Variants in SPATA33 observed in about 807,000 individuals in gnomAD.
SPATA33 encodes the protein spermatogenesis-associated protein 33.
Under a neutral mutation model 8.9 loss-of-function variants are expected in SPATA33, and 10 were observed. The ratio of observed to expected loss-of-function variants is 1.12; its 90% CI spans 0.69 to 1.90. SPATA33 has a LOEUF of 1.90. Ranked by LOEUF, SPATA33 falls within the 40% of genes most tolerant of loss-of-function variation. The probability of loss-of-function intolerance (pLI) is 0.00; values close to 1 mark genes in which losing one functional copy is unlikely to be tolerated. For synonymous variants in SPATA33, 96 were observed against 72.8 expected, an observed-to-expected ratio of 1.32 and a Z score of -1.63; for missense variants, 241 against 178.3, an observed-to-expected ratio of 1.35 and a Z score of -2.00.
chr16:89,666,089 A>G (rs1305216899), intron 2 of SPATA33, among the ~76,000 whole-genome samples: 1 of 152,142 alleles, frequency 6.6e-6, no homozygotes, highest in African/African-American at 2.4e-5. Flanking sequence ...CTCAAAATAA[A>G]TAAATGAATA....
At chr16:89,663,242 T>C (rs1348340784) in intron 2 of SPATA33, among the ~76,000 whole-genome samples, 4 of 81,240 alleles carry the variant, frequency 4.9e-5, no homozygotes, top group South Asian at 5.2e-4. Context: ...ATTCCATTTC[T>C]TTTTTTTTTT....
At chr16:89,667,029 C>G (rs752651807) in intron 2 of SPATA33, among the ~76,000 whole-genome samples, 9 of 152,204 alleles carry the variant, frequency 5.9e-5, no homozygotes, top group Admixed American at 6.5e-5. Context: ...GCAAGCCTGA[C>G]TGATGTCAGG....
chr16:89,664,985 C>A (rs2060006803), intron 2 of SPATA33, among the ~76,000 whole-genome samples: 1 of 152,166 alleles, frequency 6.6e-6, no homozygotes, highest in Non-Finnish European at 1.5e-5. Flanking sequence ...TACCAAGAAC[C>A]TTGAGAAGAG....
intron 2 of SPATA33, among the ~76,000 whole-genome samples, chr16:89,661,833 C>T (rs1597803092): frequency 6.6e-6 from 1 of 152,050 alleles, no homozygotes; most frequent in East Asian, 1.9e-4. Context: ...TTTCTCAGAC[C>T]TGGGCTCCGT....
At chr16:89,658,949 A>G (rs2059926084) in intron 2 of SPATA33, 1 of 154,596 alleles carries the variant, frequency 6.5e-6, no homozygotes, top group Admixed American at 6.3e-5. Flanking sequence ...GGAAGAAGCT[A>G]GAATACAAAG....
intron 2 of SPATA33, among the ~76,000 whole-genome samples, chr16:89,664,163 C>T (rs2059995620): frequency 6.6e-6 from 1 of 152,190 alleles, no homozygotes; most frequent in South Asian, 2.1e-4. Context: ...AAGAATTTGA[C>T]TGCGTTAAAA....
At position 89,658,363 on chromosome 16, in the gene SPATA33, C is replaced by G; in HGVS notation, c.153C>G (p.Asp51Glu). 8 of 1,613,544 alleles carry G rather than the reference C, an allele frequency of 5.0e-6. No homozygotes were observed. The highest frequency in any genetic ancestry group is 5.9e-6 in the Non-Finnish European group (7 of 1,179,996). The part of the protein sequence containing the change: ...QADRESEKPV[D>E]SLHPGAGTAK... ...ACAGGGAGTCGGAGAAGCCTGTGGACAGCCTCCACCCGGGGGCCGGGACAG... is the reference window on the plus strand; with the variant it reads ...ACAGGGAGTCGGAGAAGCCTGTGGAGAGCCTCCACCCGGGGGCCGGGACAG... Residue 51 changes from aspartate (D) to glutamate (E), a missense_variant, in exon 2 of 3, where the codon GAC becomes GAG. Transcript: ENST00000579310.
At chr16:89,662,674 G>A (rs977543394) in intron 2 of SPATA33, among the ~76,000 whole-genome samples, 14 of 152,134 alleles carry the variant, frequency 9.2e-5, no homozygotes, top group East Asian at 7.7e-4. Context: ...TGATCCACCC[G>A]CCTCGGCCTC....
chr16:89,664,448 C>G (rs1173512791), intron 2 of SPATA33, among the ~76,000 whole-genome samples: 1 of 152,190 alleles, frequency 6.6e-6, no homozygotes, highest in African/African-American at 2.4e-5. Context: ...GTGTGTCTCT[C>G]CTGCGATTAG....
At chr16:89,663,644 G>T (rs903029347) in intron 2 of SPATA33, among the ~76,000 whole-genome samples, 3 of 152,108 alleles carry the variant, frequency 2.0e-5, no homozygotes, top group Non-Finnish European at 4.4e-5. Context: ...GGGAGTGAGG[G>T]GGTCTGTGAA....
In SPATA33 at chr16:89,669,749, C is replaced by T. The variant is rs35063026; in HGVS notation, c.*252C>T. Reference sequence around the variant, plus strand: ...TCAGGGAGGGTGCACCAGGCCTGCCCCCGCCGTGAGAAACTGCAGTCCCCT... The same window carrying T: ...TCAGGGAGGGTGCACCAGGCCTGCCTCCGCCGTGAGAAACTGCAGTCCCCT... On this transcript the variant is annotated 3_prime_UTR_variant, in exon 3 of 3. Transcript: ENST00000579310. The T allele has an allele frequency of 0.05, 25,701 of 519,086 alleles. 907 individuals carry two copies. Among genetic ancestry groups the T allele is most frequent in the Non-Finnish European group, 0.069 (20,024 of 289,484 alleles). 32.2% of individuals were successfully genotyped at this position (519,086 alleles called of 1,614,324 possible).
upstream of SPATA33, chr16:89,657,781 G>A: frequency 6.9e-7 from 1 of 1,455,994 alleles, no homozygotes; most frequent in Non-Finnish European, 9.0e-7. Context: ...GCGGGGCGCG[G>A]CTGCGCGGCG....
At chr16:89,661,526 C>G (rs887747236) in intron 2 of SPATA33, 1 of 152,190 alleles carries the variant, frequency 6.6e-6, no homozygotes, top group East Asian at 1.9e-4. Flanking sequence ...TCTGGTATGT[C>G]TTTATTAGCA....
chr16:89,661,141 A>G, intron 2 of SPATA33: 5 of 985,470 alleles, frequency 5.1e-6, no homozygotes, highest in Non-Finnish European at 4.8e-6. Flanking sequence ...TAGTGAGAAG[A>G]ACAGAAGGGC....
chr16:89,669,210 C>A, intron 2 of SPATA33, 76 bp from the exon 3 acceptor site: 1 of 1,359,606 alleles, frequency 7.4e-7, no homozygotes, highest in Non-Finnish European at 1.1e-6. Context: ...TTACTCTGAC[C>A]AATGGCAGGA....
intron 2 of SPATA33, 53 bp downstream of exon 2, chr16:89,658,474 G>T: frequency 6.5e-7 from 1 of 1,549,716 alleles, no homozygotes; most frequent in Non-Finnish European, 8.7e-7. Context: ...GAGGATCTGG[G>T]GCTGGGGTGA....
At position 89,661,055 on chromosome 16, in the gene SPATA33, T is replaced by G; in HGVS notation, c.211+2634T>G. 4 of 987,428 alleles carry G rather than the reference T, an allele frequency of 4.1e-6. No homozygotes were observed. The South Asian group carries it at 1.9e-4, about 46-fold the overall frequency. 61.2% of individuals were successfully genotyped at this position (987,428 alleles called of 1,614,324 possible). On this transcript the variant is annotated intron_variant, in intron 2 of 2. Transcript: ENST00000579310. ...CGTGATACCTGTCCTGCCAAACGTG[T>G]CCTGAACCCATAAAATCCAGAGAAA...
chr16:89,663,961 A>T (rs2059993426), intron 2 of SPATA33, among the ~76,000 whole-genome samples: 1 of 152,182 alleles, frequency 6.6e-6, no homozygotes, highest in Admixed American at 6.5e-5. Context: ...TTTACAAAAA[A>T]GACAAGAATT....
chr16:89,665,911 C>T (rs966626546), intron 2 of SPATA33, among the ~76,000 whole-genome samples: 1 of 151,896 alleles, frequency 6.6e-6, no homozygotes, highest in Admixed American at 6.6e-5. Context: ...GAAAGCCCAT[C>T]TCTACTAAAA....
Sources: allele counts gnomAD v4.1 joint callset (sites outside exome capture counted in the v4.1 genomes callset), GRCh38; gene constraint gnomAD v4.1.1; transcripts MANE v1.5; gene names NCBI Gene and HGNC (gene_info 2026-07-23, HGNC 2026-07-21).